FHOD3: variants seen among roughly 807,000 people sequenced by gnomAD.
The protein encoded by FHOD3 is FH1/FH2 domain-containing protein 3.
A neutral mutation model predicts 173.0 loss-of-function variants in FHOD3; 90 were observed. That is an observed-to-expected ratio of 0.52 (90% confidence interval 0.44 to 0.62). The LOEUF (loss-of-function observed/expected upper bound fraction) is 0.62, where lower values mean the gene tolerates loss of function less well. Among genes scored for constraint, FHOD3 ranks in the 20% least tolerant of loss-of-function variants. The pLI is 0.00. For synonymous variants in FHOD3, 828 were observed against 823.0 expected, an observed-to-expected ratio of 1.01 and a Z score of -0.10; for missense variants, 1,945 against 2,034.7, an observed-to-expected ratio of 0.96 and a Z score of 0.85.
Position 36,761,098 on chromosome 18 carries a change from A to C in FHOD3, c.4624+316A>C, listed in dbSNP as rs145062030. Reference sequence around the variant, plus strand: ...CAGCCTTCCCCCTGCTTTTAGAAATAAAGTTTTGTTGGGACACAGCCATAT... The same window carrying C: ...CAGCCTTCCCCCTGCTTTTAGAAATCAAGTTTTGTTGGGACACAGCCATAT... On this transcript the variant is annotated intron_variant, in intron 27 of 28. Coordinates refer to ENST00000590592, the MANE Select transcript of FHOD3 (RefSeq NM_001281740.3). 8.2e-3 allele frequency among the ~76,000 whole-genome samples: 1,254 copies of C among 152,270 alleles called. 15 individuals carry two copies. Among genetic ancestry groups the C allele is most frequent in the Non-Finnish European group, 0.014 (946 of 68,016 alleles).
chr18:36,587,154 TG>T (rs1215130462), intron 6 of FHOD3, among the ~76,000 whole-genome samples: 1 of 152,088 alleles, frequency 6.6e-6, no homozygotes, highest in Non-Finnish European at 1.5e-5. Flanking sequence ...CTGGAGATGG[TG>T]GGGGGAACTT....
intron 13 of FHOD3, among the ~76,000 whole-genome samples, chr18:36,657,156 CTG>C (rs1745051474): frequency 2.0e-5 from 3 of 152,276 alleles, no homozygotes; most frequent in South Asian, 2.1e-4. Flanking sequence ...CTTATAGTGA[CTG>C]TTGGGGTCCC....
At chr18:36,684,492 T>A (rs567053921) in intron 15 of FHOD3, among the ~76,000 whole-genome samples, 3 of 151,396 alleles carry the variant, frequency 2.0e-5, no homozygotes, top group African/African-American at 7.3e-5. Flanking sequence ...AAGATGTCTC[T>A]GTAAAAAAAA....
At chr18:36,545,147 C>T (rs1201421532) in intron 5 of FHOD3, among the ~76,000 whole-genome samples, 1 of 152,144 alleles carries the variant, frequency 6.6e-6, no homozygotes, top group African/African-American at 2.4e-5. Context: ...CCTGTCTCCT[C>T]ACCTTTGATT....
intron 10 of FHOD3, among the ~76,000 whole-genome samples, chr18:36,636,307 T>C (rs1159485737): frequency 6.6e-6 from 1 of 152,150 alleles, no homozygotes; most frequent in Non-Finnish European, 1.5e-5. Context: ...GAGCAGGGGC[T>C]ATCTAAGGAG....
rs577945590 is a variant in FHOD3, at chr18:36,424,937, T to C, written c.337+52193T>C. Among the ~76,000 whole-genome samples the C allele has an allele frequency of 1.3e-3, 198 of 152,282 alleles. 2 individuals carry two copies. Among genetic ancestry groups the C allele is most frequent in the African/African-American group, 4.5e-3 (188 of 41,556 alleles). ...CATCGGAGCCATTGTGGTACAGCAG[T>C]GCTTGTGTTCATGTAACTCTTATCT... On this transcript the variant is annotated intron_variant, in intron 3 of 28. Coordinates refer to ENST00000590592, the MANE Select transcript of FHOD3 (RefSeq NM_001281740.3).
chr18:36,368,196 C>T (rs1170383527), intron 2 of FHOD3, among the ~76,000 whole-genome samples: 1 of 152,064 alleles, frequency 6.6e-6, no homozygotes. Context: ...ACTGGCAAAT[C>T]TGAAATCTTC....
intron 3 of FHOD3, among the ~76,000 whole-genome samples, chr18:36,498,597 T>C (rs2054862251): frequency 2.0e-5 from 3 of 152,122 alleles, no homozygotes; most frequent in Non-Finnish European, 2.9e-5. Flanking sequence ...ACAAACTTCA[T>C]TGAAGAACAA....
intron 5 of FHOD3, among the ~76,000 whole-genome samples, chr18:36,566,203 A>G (rs1348572760): frequency 6.6e-6 from 1 of 152,214 alleles, no homozygotes; most frequent in Non-Finnish European, 1.5e-5. Context: ...GCGTTTTGGT[A>G]TCTTTGGCTG....
chr18:36,735,512 C>T (rs873201), intron 20 of FHOD3, among the ~76,000 whole-genome samples: 57,545 of 152,104 alleles, frequency 0.38, 11,487 homozygotes, highest in African/African-American at 0.52. Flanking sequence ...TCTCTAGCTC[C>T]GCCTTGGTGG....
chr18:36,300,590 C>G (rs539638367), intron 1 of FHOD3, among the ~76,000 whole-genome samples: 2 of 152,264 alleles, frequency 1.3e-5, no homozygotes, highest in South Asian at 2.1e-4. Context: ...TCCCACAGAG[C>G]CTGGTATTGA....
intron 19 of FHOD3, among the ~76,000 whole-genome samples, chr18:36,719,736 C>T (rs2040655473): frequency 6.6e-6 from 1 of 152,134 alleles, no homozygotes; most frequent in East Asian, 1.9e-4. Context: ...GCCATTTGGG[C>T]ACCAATTCTG....
At chr18:36,671,616 G>T (rs1219694781) in intron 14 of FHOD3, among the ~76,000 whole-genome samples, 1 of 152,220 alleles carries the variant, frequency 6.6e-6, no homozygotes. Context: ...GCTAATTTCT[G>T]TAAAGAGAGA....
intron 17 of FHOD3, among the ~76,000 whole-genome samples, chr18:36,696,239 A>C (rs1055651214): frequency 6.6e-6 from 1 of 152,200 alleles, no homozygotes; most frequent in African/African-American, 2.4e-5. Flanking sequence ...TCATGGAGTC[A>C]TGGCTCTACC....
chr18:36,589,391 C>T (rs2059137033), intron 6 of FHOD3, among the ~76,000 whole-genome samples: 1 of 152,274 alleles, frequency 6.6e-6, no homozygotes, highest in East Asian at 1.9e-4. Context: ...GTGTGTTTCT[C>T]CAGCCCAAAG....
chr18:36,611,956 T>C lies in FHOD3; in HGVS notation c.818T>C (p.Leu273Ser), dbSNP rs1377682605. The C allele has an allele frequency of 6.2e-7, 1 of 1,613,704 alleles. No homozygotes were observed. The highest frequency in any genetic ancestry group is 1.7e-5 in the Admixed American group (1 of 59,958). Residue 273 changes from leucine to serine, a missense_variant, in exon 9 of 29, where the codon TTA (leucine) becomes TCA (serine). Physicochemically the swap from Leu to Ser is moderately radical, Grantham distance 145. This residue lies in a region of FHOD3 where 1,099 missense variants were observed against 1,051.2 expected (regional missense o/e 1.05). Transcript: ENST00000590592. ...CTGGTTCTTCTCTTCTTCCAGACGTTATCAGGACTACCAGACCAAGACACC... is the reference window on the plus strand; with the variant it reads ...CTGGTTCTTCTCTTCTTCCAGACGTCATCAGGACTACCAGACCAAGACACC... ...VYAMTLVNKTLSGLPDQDTFY... is the reference protein window; with the variant it reads ...VYAMTLVNKTSSGLPDQDTFY...
At chr18:36,760,434 C>T (rs2042819948) in intron 26 of FHOD3, among the ~76,000 whole-genome samples, 174 bp from the exon 27 acceptor site, 1 of 152,192 alleles carries the variant, frequency 6.6e-6, no homozygotes, top group African/African-American at 2.4e-5. Flanking sequence ...ATTAGATCTT[C>T]TTGTAGGCAC....
chr18:36,752,324 A>G (rs1579202), intron 24 of FHOD3, among the ~76,000 whole-genome samples: 7,295 of 152,218 alleles, frequency 0.048, 599 homozygotes, highest in African/African-American at 0.17. Flanking sequence ...TTCAAGGGGG[A>G]GAGACAGGCA....
chr18:36,572,231 T>G (rs2058478007), intron 5 of FHOD3, among the ~76,000 whole-genome samples: 1 of 152,230 alleles, frequency 6.6e-6, no homozygotes, highest in African/African-American at 2.4e-5. Context: ...CATCTACCTC[T>G]GTGTTCTGAT....
Sources: allele counts gnomAD v4.1 joint callset (sites outside exome capture counted in the v4.1 genomes callset), GRCh38; gene constraint gnomAD v4.1.1; regional missense constraint gnomAD v4.1.1; transcripts MANE v1.5; gene names NCBI Gene and HGNC (gene_info 2026-07-23, HGNC 2026-07-21).